The following ABCA10 variants were observed in gnomAD, a reference collection of about 807,000 sequenced individuals.
The protein encoded by ABCA10 is ATP-binding cassette sub-family A member 10.
Under a neutral mutation model 187.5 loss-of-function variants are expected in ABCA10, and 169 were observed. The observed-to-expected ratio is 0.90, with a 90% CI of 0.80 to 1.02. The LOEUF is 1.02. ABCA10 is among the 50% of genes least tolerant of loss of function. ABCA10 has a pLI of 0.00. For synonymous variants in ABCA10, 574 were observed against 601.8 expected, an observed-to-expected ratio of 0.95 and a Z score of 0.68; for missense variants, 1,727 against 1,812.4, an observed-to-expected ratio of 0.95 and a Z score of 0.86.
At chr17:69,177,585 T>TA (rs2144783364) in intron 22 of ABCA10, among the ~76,000 whole-genome samples, 1 of 152,250 alleles carries the variant, frequency 6.6e-6, no homozygotes, top group Non-Finnish European at 1.5e-5. Flanking sequence ...AATGTCCAAT[T>TA]ACGTTCCTTA....
At chr17:69,194,109 T>G in intron 12 of ABCA10, 120 bp from the exon 13 acceptor site, 1 of 969,836 alleles carries the variant, frequency 1.0e-6, no homozygotes, top group Non-Finnish European at 1.5e-6. Context: ...AACTTCACAT[T>G]TTCCAATTGC....
At chr17:69,218,882 T>C (rs916083608) in intron 6 of ABCA10, among the ~76,000 whole-genome samples, 1 of 152,208 alleles carries the variant, frequency 6.6e-6, no homozygotes. Flanking sequence ...ATTTGAACTT[T>C]TTTCTGCTCC....
At chr17:69,226,011 T>C (rs891781007) in intron 2 of ABCA10, among the ~76,000 whole-genome samples, 2 of 152,104 alleles carry the variant, frequency 1.3e-5, no homozygotes, top group Admixed American at 6.6e-5. Context: ...TTTTGTCTCA[T>C]TGGTTCCTGA....
rs2074731533 is a variant in ABCA10 at position 69,219,668 on chromosome 17, A to C, written c.407T>G (p.Phe136Cys). The C allele has an allele frequency of 2.5e-6, 4 of 1,610,964 alleles. No homozygotes were observed. ...ISKGEIMNEWFHFTCLVSFSS... is the reference protein window; with the variant it reads ...ISKGEIMNEWCHFTCLVSFSS... ...GAAAGAAACTAAGCAAGTAAAATGA[A>C]ACCATTCATTCATAATTTCTCCCTT... The change falls in exon 6 of 39, where the codon TTT becomes TGT. Residue 136 changes from phenylalanine to cysteine, a missense_variant. Transcript: ENST00000690296.
intron 25 of ABCA10, among the ~76,000 whole-genome samples, chr17:69,170,030 G>A (rs1452014076): frequency 6.6e-6 from 1 of 152,090 alleles, no homozygotes; most frequent in African/African-American, 2.4e-5. Flanking sequence ...GTTCAATCCT[G>A]TAATCCTAAC....
chr17:69,214,907 C>G (rs1168400645), intron 8 of ABCA10, 56 bp from the exon 9 acceptor site: 8 of 1,314,128 alleles, frequency 6.1e-6, no homozygotes, highest in African/African-American at 3.2e-5. Context: ...CTAAATAAAA[C>G]AATTTTTTTT....
rs769842003 is a variant in ABCA10 at position 69,221,890 on chromosome 17, A to G, written c.205T>C (p.Cys69Arg). 2.5e-6 allele frequency: 4 copies of G among 1,608,854 alleles called. No individual in the cohort carries two copies. In the East Asian group the frequency reaches 6.7e-5, roughly 27 times the overall value. The change falls in exon 5 of 39, where the codon TGT (cysteine) becomes CGT (arginine). Residue 69 changes from cysteine to arginine, a missense_variant. Cys to Arg is a radical substitution (Grantham distance 180). Transcript: ENST00000690296. ...AAAATTTCACCATGCATGGCCCAAC[A>G]GTGTTCTTTAAGGAAGAAGAAAAAC... is the stretch of plus-strand genomic sequence containing the variant. ...IKEHSEYTEH[C>R]WAMHGEIFCY... is the part of the protein sequence containing the mutation.
rs113490117 is a variant in ABCA10, at chr17:69,221,607, G to A, written c.303+185C>T. 4.9e-3 allele frequency among the ~76,000 whole-genome samples: 741 copies of A among 152,294 alleles called. 6 individuals carry two copies. The highest frequency in any genetic ancestry group is 0.017 in the African/African-American group (713 of 41,556). On this transcript the variant is annotated intron_variant, in intron 5 of 38. Transcript: ENST00000690296. ...AATGTGTGTAGGGGGTCATAGGTCT[G>A]TAGTTTTACAGGGTTTATGTTAGAA...
chr17:69,187,501 T>C (rs941036806), intron 19 of ABCA10, among the ~76,000 whole-genome samples, 180 bp downstream of exon 19: 1 of 152,178 alleles, frequency 6.6e-6, no homozygotes, highest in Non-Finnish European at 1.5e-5. Flanking sequence ...AAAAATCCAG[T>C]GTCACAGTAT....
At chr17:69,233,146 C>T (rs1003293427), upstream of ABCA10, 4 of 152,050 alleles carry the variant, frequency 2.6e-5, no homozygotes, top group African/African-American at 9.7e-5. Flanking sequence ...CTTTGAATAA[C>T]CTTCACACTG....
intron 5 of ABCA10, among the ~76,000 whole-genome samples, chr17:69,220,434 T>C (rs1298322877): frequency 6.6e-6 from 1 of 152,154 alleles, no homozygotes; most frequent in Non-Finnish European, 1.5e-5. Context: ...GATGTGCCCT[T>C]GTGCAGGTGG....
intron 18 of ABCA10, among the ~76,000 whole-genome samples, chr17:69,189,062 T>C (rs1286545083): frequency 6.6e-6 from 1 of 152,208 alleles, no homozygotes; most frequent in Non-Finnish European, 1.5e-5. Context: ...ATGGGATTGC[T>C]GGGTCAAATG....
In ABCA10 at chr17:69,216,275, A is replaced by AGC; in HGVS notation, c.613_614insGC (p.Val205GlyfsTer9). The stretch of plus-strand genomic sequence containing the variant: ...TATCACCATGAAGCCAGTATGAAAT[A>AGC]CAATTGGGATTGATGTTATGACCAG... On this transcript the variant is annotated frameshift_variant, in exon 7 of 39. Transcript: ENST00000690296. LOFTEE classifies it high-confidence loss of function. 2 of 1,613,728 alleles carry AGC rather than the reference A, an allele frequency of 1.2e-6. No homozygotes were observed. Among genetic ancestry groups the AGC allele is most frequent in the Non-Finnish European group, 1.7e-6 (2 of 1,179,744 alleles).
At chr17:69,175,560 T>C (rs1272944127) in intron 22 of ABCA10, 47 bp from the exon 23 acceptor site, 1 of 1,403,022 alleles carries the variant, frequency 7.1e-7, no homozygotes, top group South Asian at 1.3e-5. Context: ...TGTTACAAAT[T>C]ATACAAACAT....
At chr17:69,200,330 G>A (rs76490884) in intron 10 of ABCA10, among the ~76,000 whole-genome samples, 13,050 of 152,186 alleles carry the variant, frequency 0.086, 723 homozygotes, top group Admixed American at 0.16. Flanking sequence ...TACTTTAGCT[G>A]AAATTAATAA....
In ABCA10 at chr17:69,214,724, T is replaced by C. The variant is rs1397837302; in HGVS notation, c.986A>G (p.Tyr329Cys). Residue 329 changes from tyrosine to cysteine, a missense_variant, in exon 9 of 39, where the codon TAT becomes TGT. Transcript: ENST00000690296. The stretch of plus-strand genomic sequence containing the variant: ...CTTACCAGGTAAAACTCGCTCAAAA[T>C]ATAATGTGAATATCAAATAGAAAAG... ...DTLFYLIFTL[Y>C]FERVLPDKDG... 2 of 1,512,684 alleles carry C rather than the reference T, an allele frequency of 1.3e-6. No individual in the cohort carries two copies. The highest frequency in any genetic ancestry group is 1.5e-5 in the African/African-American group (1 of 67,958). The allele number at this position is 1,512,684 out of a possible 1,614,324, so 93.7% of individuals were successfully genotyped here.
intron 12 of ABCA10, 136 bp downstream of exon 12, chr17:69,194,249 A>G (rs2074482660): frequency 1.3e-6 from 1 of 769,696 alleles, no homozygotes; most frequent in Non-Finnish European, 2.1e-6. Flanking sequence ...ATTTATGTGC[A>G]TATGAAATCA....
chr17:69,182,925 T>C (rs1467284828), intron 20 of ABCA10, 117 bp from the exon 21 acceptor site: 2 of 1,306,198 alleles, frequency 1.5e-6, no homozygotes, highest in Non-Finnish European at 2.1e-6. Context: ...AATAGCTTAG[T>C]AAAGAGCCTT....
intron 24 of ABCA10, 56 bp downstream of exon 24, chr17:69,174,551 A>C: frequency 6.7e-7 from 1 of 1,494,644 alleles, no homozygotes; most frequent in Non-Finnish European, 9.0e-7. Context: ...CATGAAAATG[A>C]ATTTTCATTT....
Sources: allele counts gnomAD v4.1 joint callset (sites outside exome capture counted in the v4.1 genomes callset), GRCh38; gene constraint gnomAD v4.1.1; transcripts MANE v1.5; gene names NCBI Gene and HGNC (gene_info 2026-07-23, HGNC 2026-07-21).